Variants in FHAD1 observed in about 807,000 individuals in gnomAD.
FHAD1 encodes the protein forkhead associated phosphopeptide binding domain 1.
Under a neutral mutation model 191.3 loss-of-function variants are expected in FHAD1, and 146 were observed. The observed-to-expected ratio is 0.76, with a 90% CI of 0.67 to 0.88. The LOEUF (loss-of-function observed/expected upper bound fraction) is 0.88, where lower values mean the gene tolerates loss of function less well. Ranked by LOEUF, FHAD1 falls within the 40% of genes least tolerant of loss-of-function variation. The pLI is 0.00. For missense variants in FHAD1, 1,635 were observed against 1,785.8 expected (o/e 0.92, Z 1.52); for synonymous variants, 616 against 672.3 (o/e 0.92, Z 1.29).
chr1:15,273,843 A>G (rs1043731128), intron 3 of FHAD1, among the ~76,000 whole-genome samples: 3 of 152,114 alleles, frequency 2.0e-5, no homozygotes. Flanking sequence ...AACTCTTTTC[A>G]TTTTGCAAAA....
At chr1:15,346,418 C>G (rs143055363) in intron 18 of FHAD1, among the ~76,000 whole-genome samples, 1 of 152,190 alleles carries the variant, frequency 6.6e-6, no homozygotes, top group African/African-American at 2.4e-5. Context: ...CAGCAGTTTG[C>G]CAGAGTCCTC....
intron 26 of FHAD1, among the ~76,000 whole-genome samples, chr1:15,372,764 C>A (rs1415683802): frequency 6.6e-6 from 1 of 152,220 alleles, no homozygotes; most frequent in South Asian, 2.1e-4. Flanking sequence ...GCCAGATTGT[C>A]AGTTTCTTCT....
intron 14 of FHAD1, among the ~76,000 whole-genome samples, chr1:15,331,319 A>G (rs1022906762): frequency 1.3e-5 from 2 of 151,822 alleles, no homozygotes; most frequent in African/African-American, 4.8e-5. Flanking sequence ...GGGGCCTAAT[A>G]CATATCTGTG....
At chr1:15,373,441 G>A (rs1377062578) in intron 26 of FHAD1, among the ~76,000 whole-genome samples, 1 of 152,034 alleles carries the variant, frequency 6.6e-6, no homozygotes, top group Non-Finnish European at 1.5e-5. Flanking sequence ...GAACCCGGGA[G>A]GTGGAGGTTG....
intron 3 of FHAD1, among the ~76,000 whole-genome samples, chr1:15,279,838 G>A (rs1659921735): frequency 6.6e-6 from 1 of 152,138 alleles, no homozygotes; most frequent in Non-Finnish European, 1.5e-5. Flanking sequence ...GTGGGAGGGA[G>A]GGGTGTCTCC....
In FHAD1 at chr1:15,360,776, G is replaced by T. The variant is rs1244403436; in HGVS notation, c.2962+73G>T. 11 of 1,257,142 alleles carry T rather than the reference G, an allele frequency of 8.8e-6. No homozygotes were observed. In the South Asian group the frequency reaches 1.3e-4, roughly 15 times the overall value. 77.9% of individuals were successfully genotyped at this position (1,257,142 alleles called of 1,614,324 possible). A position where few individuals can be genotyped will look rare whatever the true frequency, so the allele number is the denominator to read the frequency against. On this transcript the variant is annotated intron_variant, in intron 22 of 33. Transcript: ENST00000688493. Reference sequence around the variant, plus strand: ...CTGATTGTCCGCTGGGTCCCAACAGGCTGATGGCTAAGAAAAAGGCCGTGC... The same window carrying T: ...CTGATTGTCCGCTGGGTCCCAACAGTCTGATGGCTAAGAAAAAGGCCGTGC...
intron 4 of FHAD1, among the ~76,000 whole-genome samples, chr1:15,294,724 T>C (rs976313588): frequency 1.3e-5 from 2 of 152,098 alleles, no homozygotes; most frequent in Admixed American, 1.3e-4. Flanking sequence ...TTTAGCAACA[T>C]CCCTGGCTTC....
intron 21 of FHAD1, 86 bp from the exon 22 acceptor site, chr1:15,360,392 C>A: frequency 1.8e-5 from 22 of 1,214,926 alleles, no homozygotes; most frequent in Non-Finnish European, 2.6e-5. Flanking sequence ...CCCAGTTTAG[C>A]ACCTATGTGT....
intron 3 of FHAD1, among the ~76,000 whole-genome samples, chr1:15,275,484 C>G (rs1657998876): frequency 6.6e-6 from 1 of 152,148 alleles, no homozygotes; most frequent in East Asian, 1.9e-4. Flanking sequence ...CTGTCCGCCT[C>G]CACCCCATCC....
At chr1:15,389,101 C>T (rs1352956038) in intron 32 of FHAD1, among the ~76,000 whole-genome samples, 3 of 152,178 alleles carry the variant, frequency 2.0e-5, no homozygotes, top group Non-Finnish European at 4.4e-5. Context: ...CCAACATCCT[C>T]ACATCTTGTT....
chr1:15,293,516 G>C (rs963975359), intron 4 of FHAD1, among the ~76,000 whole-genome samples: 2 of 152,000 alleles, frequency 1.3e-5, no homozygotes, highest in Non-Finnish European at 1.5e-5. Context: ...TCGGGAGTCT[G>C]AGACCAGCCT....
At position 15,388,060 on chromosome 1, in the gene FHAD1, G is replaced by C; in HGVS notation, c.4198G>C (p.Glu1400Gln). The C allele has an allele frequency of 7.8e-7, 1 of 1,289,628 alleles. No individual in the cohort carries two copies. Among genetic ancestry groups the C allele is most frequent in the Non-Finnish European group, 1.0e-6 (1 of 988,608 alleles). 79.9% of individuals were successfully genotyped at this position (1,289,628 alleles called of 1,614,324 possible). A position where few individuals can be genotyped will look rare whatever the true frequency, so the allele number is the denominator to read the frequency against. ...RAIRQQKESV[E>Q]EHELRNAKES... ...GATACTTTTCACTCAGGAAAGTGTAGAGGAGCACGAACTGAGAAACGCAAA... is the reference window on the plus strand; with the variant it reads ...GATACTTTTCACTCAGGAAAGTGTACAGGAGCACGAACTGAGAAACGCAAA... The change falls in exon 32 of 34, where the codon GAG (glutamate) becomes CAG (glutamine). Residue 1400 changes from glutamate (E) to glutamine (Q), a missense_variant. Physicochemically the swap from Glu to Gln is conservative, Grantham distance 29. Coordinates refer to ENST00000688493, the MANE Select transcript of FHAD1 (RefSeq NM_001391957.1).
chr1:15,356,973 C>T (rs770012241), intron 20 of FHAD1, among the ~76,000 whole-genome samples: 38 of 152,104 alleles, frequency 2.5e-4, no homozygotes, highest in Non-Finnish European at 4.3e-4. Context: ...GGATGGAAGC[C>T]GATTTCTTTT....
At chr1:15,245,957 C>G (rs1405194713), upstream of FHAD1, among the ~76,000 whole-genome samples, 1 of 152,182 alleles carries the variant, frequency 6.6e-6, no homozygotes, top group African/African-American at 2.4e-5. Flanking sequence ...TTCCTATTGA[C>G]TAGGTGTATT....
At chr1:15,266,298 A>G (rs530426006) in intron 2 of FHAD1, among the ~76,000 whole-genome samples, 57 of 151,934 alleles carry the variant, frequency 3.8e-4, no homozygotes, top group Non-Finnish European at 6.2e-4. Context: ...TTGTAGAGAT[A>G]GGGTCTCCTT....
chr1:15,285,192 G>A (rs1422648799), intron 3 of FHAD1, among the ~76,000 whole-genome samples: 3 of 152,168 alleles, frequency 2.0e-5, no homozygotes, highest in Non-Finnish European at 4.4e-5. Context: ...AGAGAAGACT[G>A]ACATTAACCT....
chr1:15,255,682 G>A (rs79728335), intron 2 of FHAD1, among the ~76,000 whole-genome samples: 88,760 of 151,518 alleles, frequency 0.59, 26,244 homozygotes, highest in East Asian at 0.69. Context: ...TCAAGCCTAC[G>A]TCAGGGCTCT....
At chr1:15,380,172 G>A (rs993583857) in intron 28 of FHAD1, among the ~76,000 whole-genome samples, 2 of 152,172 alleles carry the variant, frequency 1.3e-5, no homozygotes, top group African/African-American at 4.8e-5. Context: ...GGGGGAGAGT[G>A]AGCAAACAGC....
chr1:15,271,022 C>T (rs1309125471), intron 2 of FHAD1, among the ~76,000 whole-genome samples: 1 of 151,662 alleles, frequency 6.6e-6, no homozygotes, highest in African/African-American at 2.4e-5. Context: ...GCCTGTAGTC[C>T]CAGCTACTTG....
Sources: gnomAD v4.1 joint callset for allele counts (sites outside exome capture counted in the v4.1 genomes callset) on GRCh38, gnomAD v4.1.1 for gene constraint, MANE v1.5 for transcripts, NCBI Gene and HGNC (gene_info 2026-07-23, HGNC 2026-07-21) for gene names.